PCDHB16: variants seen among roughly 807,000 people sequenced by gnomAD.
PCDHB16 encodes protocadherin beta-16.
For synonymous variants in PCDHB16, 444 were observed against 436.5 expected, an observed-to-expected ratio of 1.02 and a Z score of -0.21; for missense variants, 1,026 against 989.9, an observed-to-expected ratio of 1.04 and a Z score of -0.49.
At position 141,185,037 on chromosome 5, in the gene PCDHB16, A is replaced by G. The variant is rs1005908782; in HGVS notation, c.*147A>G. 27 of 1,447,998 alleles carry G rather than the reference A, an allele frequency of 1.9e-5. No homozygotes were observed. In the African/African-American group the frequency reaches 3.3e-4, roughly 18 times the overall value. 89.7% of individuals were successfully genotyped at this position (1,447,998 alleles called of 1,614,324 possible). On this transcript the variant is annotated 3_prime_UTR_variant, in exon 1 of 1. Coordinates refer to ENST00000609684, the MANE Select transcript of PCDHB16 (RefSeq NM_020957.4). ...TCATGCTCACCACCACCAATAAGGT[A>G]TTTTTCTCTGATTGTTAGTTCAAAT...
Position 141,185,608 on chromosome 5 carries a change from G to A in PCDHB16, c.*718G>A. Reference sequence around the variant, plus strand: ...TGCAGCGATGGGATTTTGCCAAGTTGCCCAGGCTGATCTTGAACTCCTGGG... The same window carrying A: ...TGCAGCGATGGGATTTTGCCAAGTTACCCAGGCTGATCTTGAACTCCTGGG... On this transcript the variant is annotated 3_prime_UTR_variant, in exon 1 of 1. Transcript: ENST00000609684. 1.9e-6 allele frequency: 1 copy of A among 535,196 alleles called. No homozygotes were observed. The highest frequency in any genetic ancestry group is 2.4e-6 in the Non-Finnish European group (1 of 414,670). 33.2% of individuals were successfully genotyped at this position (535,196 alleles called of 1,614,324 possible). A position where few individuals can be genotyped will look rare whatever the true frequency, so the allele number is the denominator to read the frequency against.
Position 141,182,684 on chromosome 5 carries a change from G to T in PCDHB16, c.125G>T (p.Gly42Val). 1 of 1,610,210 alleles carries T rather than the reference G, an allele frequency of 6.2e-7. No individual in the cohort carries two copies. Among genetic ancestry groups the T allele is most frequent in the Non-Finnish European group, 8.5e-7 (1 of 1,177,722 alleles). Residue 42 changes from glycine (G) to valine (V), a missense_variant, in exon 1 of 1, where the codon GGC becomes GTC. Physicochemically the swap from Gly to Val is moderately radical, Grantham distance 109. Transcript: ENST00000609684. ...SYSVVEETER[G>V]SFVANLGKDL... Reference sequence around the variant, plus strand: ...TCCGTAGTGGAAGAAACGGAGAGAGGCTCTTTTGTGGCAAATCTAGGAAAA... The same window carrying T: ...TCCGTAGTGGAAGAAACGGAGAGAGTCTCTTTTGTGGCAAATCTAGGAAAA...
In PCDHB16 at chr5:141,184,534, C is replaced by A; in HGVS notation, c.1975C>A (p.His659Asn). Residue 659 changes from histidine (H) to asparagine (N), a missense_variant, in exon 1 of 1, where the codon CAC becomes AAC. Coordinates refer to ENST00000609684, the MANE Select transcript of PCDHB16 (RefSeq NM_020957.4). ...EPPRSATATL[H>N]VLLVDGFSQP... The stretch of plus-strand genomic sequence containing the variant: ...TCCGCGCTCGGCCACCGCCACGCTG[C>A]ACGTGCTCCTGGTGGACGGCTTCTC... 2 of 1,610,580 alleles carry A rather than the reference C, an allele frequency of 1.2e-6. No individual in the cohort carries two copies. The highest frequency in any genetic ancestry group is 1.7e-6 in the Non-Finnish European group (2 of 1,179,732).
Position 141,183,821 on chromosome 5 carries a change from T to C in PCDHB16, c.1262T>C (p.Leu421Pro). 1 of 1,614,180 alleles carries C rather than the reference T, an allele frequency of 6.2e-7. No individual in the cohort carries two copies. Among genetic ancestry groups the C allele is most frequent in the Non-Finnish European group, 8.5e-7 (1 of 1,180,024 alleles). ...GCAAGAGCTGAATATAATATCACCC[T>C]CACCGTCACAGATATGGGGACTCCA... ...REARAEYNIT[L>P]TVTDMGTPRL... The change falls in exon 1 of 1, where the codon CTC becomes CCC. Residue 421 changes from leucine (L) to proline (P), a missense_variant. Physicochemically the swap from Leu to Pro is moderately conservative, Grantham distance 98. Transcript: ENST00000609684.
rs782321608 is a variant in PCDHB16, at chr5:141,182,702, T to C, written c.143T>C (p.Leu48Pro). Reference sequence around the variant, plus strand: ...GAGAGAGGCTCTTTTGTGGCAAATCTAGGAAAAGACCTGGGGTTGGGGTTG... The same window carrying C: ...GAGAGAGGCTCTTTTGTGGCAAATCCAGGAAAAGACCTGGGGTTGGGGTTG... ...ETERGSFVAN[L>P]GKDLGLGLTE... Residue 48 changes from leucine (L) to proline (P), a missense_variant, in exon 1 of 1, where the codon CTA (leucine) becomes CCA (proline). By Grantham distance (98) the Leu-to-Pro change is moderately conservative. Coordinates refer to ENST00000609684, the MANE Select transcript of PCDHB16 (RefSeq NM_020957.4). 6.2e-7 allele frequency: 1 copy of C among 1,610,556 alleles called. No homozygotes were observed. The highest frequency in any genetic ancestry group is 1.1e-5 in the South Asian group (1 of 90,802).
Position 141,183,639 on chromosome 5 carries a change from G to A in PCDHB16, c.1080G>A (p.Ser360=), listed in dbSNP as rs1320937133. Residue 360 remains serine, a synonymous_variant, in exon 1 of 1, where the codon TCG becomes TCA. Coordinates refer to ENST00000609684, the MANE Select transcript of PCDHB16 (RefSeq NM_020957.4). ...SALTSPIPEN[S]PEIVVAVFSV... is the part of the protein sequence containing the mutation. ...TCACCAGCCCCATCCCAGAGAACTC[G>A]CCTGAGATAGTAGTTGCTGTTTTCA... The A allele has an allele frequency of 1.2e-6, 2 of 1,614,000 alleles. No individual in the cohort carries two copies. The highest frequency in any genetic ancestry group is 1.7e-5 in the Admixed American group (1 of 60,000).
rs1554282193 is a variant in PCDHB16 at position 141,183,664 on chromosome 5, A to T, written c.1105A>T (p.Ser369Cys). ...NSPEIVVAVF[S>C]VSDPDSGNNG... The stretch of plus-strand genomic sequence containing the variant: ...GCCTGAGATAGTAGTTGCTGTTTTC[A>T]GCGTTTCAGATCCTGACTCCGGAAA... The change falls in exon 1 of 1, where the codon AGC becomes TGC. Residue 369 changes from serine (S) to cysteine (C), a missense_variant. Transcript: ENST00000609684. 1.9e-6 allele frequency: 3 copies of T among 1,614,192 alleles called. No individual in the cohort carries two copies. The highest frequency in any genetic ancestry group is 3.3e-5 in the Admixed American group (2 of 60,032).
chr5:141,182,428 C>G lies in PCDHB16; in HGVS notation c.-132C>G. The G allele has an allele frequency of 1.4e-6, 1 of 709,678 alleles. No individual in the cohort carries two copies. Among genetic ancestry groups the G allele is most frequent in the Non-Finnish European group, 2.2e-6 (1 of 457,324 alleles). 44.0% of individuals were successfully genotyped at this position (709,678 alleles called of 1,614,324 possible). Reference sequence around the variant, plus strand: ...AAGCAGAAGAATAGCTGAGCCAGAGCGAACGTGAGTGTGAAACCTCTTTAA... The same window carrying G: ...AAGCAGAAGAATAGCTGAGCCAGAGGGAACGTGAGTGTGAAACCTCTTTAA... On this transcript the variant is annotated 5_prime_UTR_variant, in exon 1 of 1. Transcript: ENST00000609684.
At position 141,184,101 on chromosome 5, in the gene PCDHB16, C is replaced by T. The variant is rs535046436; in HGVS notation, c.1542C>T (p.Phe514=). 1.8e-5 allele frequency: 28 copies of T among 1,575,188 alleles called. No homozygotes were observed. The highest frequency in any genetic ancestry group is 2.3e-4 in the Middle Eastern group (1 of 4,400). Residue 514 remains phenylalanine (F), a synonymous_variant, in exon 1 of 1, where the codon TTC becomes TTT. Transcript: ENST00000609684. ...VSINADNGHL[F]ALRSLDYEAL... ...TCAACGCGGACAACGGCCACCTGTT[C>T]GCCCTCAGGTCGCTGGACTACGAGG... is the stretch of plus-strand genomic sequence containing the variant.
chr5:141,185,160 T>A lies in PCDHB16; in HGVS notation c.*270T>A. 8.4e-7 allele frequency: 1 copy of A among 1,186,214 alleles called. No homozygotes were observed. 73.5% of individuals were successfully genotyped at this position (1,186,214 alleles called of 1,614,324 possible). ...ACAAAATATACTTTATCTTCAAAGT[T>A]GATGTCATTTAAAATTTTTCCGTCT... On this transcript the variant is annotated 3_prime_UTR_variant, in exon 1 of 1. Transcript: ENST00000609684.
In PCDHB16 at chr5:141,183,306, G is replaced by A. The variant is rs1753614320; in HGVS notation, c.747G>A (p.Val249=). The A allele has an allele frequency of 6.2e-7, 1 of 1,614,038 alleles. No homozygotes were observed. Among genetic ancestry groups the A allele is most frequent in the African/African-American group, 1.3e-5 (1 of 74,930 alleles). Residue 249 remains valine, a synonymous_variant, in exon 1 of 1, where the codon GTG becomes GTA. Transcript: ENST00000609684. ...APEFEQPIYK[V]QIPENSPLGS... ...AGTTTGAGCAGCCCATCTACAAAGT[G>A]CAGATTCCAGAGAACAGTCCTCTTG... is the stretch of plus-strand genomic sequence containing the variant.
At position 141,183,936 on chromosome 5, in the gene PCDHB16, C is replaced by T. The variant is rs782620895; in HGVS notation, c.1377C>T (p.Phe459=). 1 of 1,613,944 alleles carries T rather than the reference C, an allele frequency of 6.2e-7. No homozygotes were observed. The highest frequency in any genetic ancestry group is 1.1e-5 in the South Asian group (1 of 91,068). Residue 459 remains phenylalanine, a synonymous_variant, in exon 1 of 1, where the codon TTC becomes TTT. Coordinates refer to ENST00000609684, the MANE Select transcript of PCDHB16 (RefSeq NM_020957.4). ...PTFTQTSYTL[F]VRENNSPALH... is the part of the protein sequence containing the mutation. ...TCACCCAAACCTCCTACACCCTGTTCGTCCGCGAGAACAACAGCCCCGCCC... is the reference window on the plus strand; with the variant it reads ...TCACCCAAACCTCCTACACCCTGTTTGTCCGCGAGAACAACAGCCCCGCCC...
In PCDHB16 at chr5:141,183,858, G is replaced by C; in HGVS notation, c.1299G>C (p.Thr433=). 1.2e-6 allele frequency: 2 copies of C among 1,614,160 alleles called. No homozygotes were observed. Among genetic ancestry groups the C allele is most frequent in the African/African-American group, 1.3e-5 (1 of 75,038 alleles). Reference sequence around the variant, plus strand: ...ATATGGGGACTCCAAGGCTGAAAACGGAGCACAACATAACAGTGCAGATAT... The same window carrying C: ...ATATGGGGACTCCAAGGCTGAAAACCGAGCACAACATAACAGTGCAGATAT... ...VTDMGTPRLK[T]EHNITVQISD... Residue 433 remains threonine (T), a synonymous_variant, in exon 1 of 1, where the codon ACG becomes ACC. Coordinates refer to ENST00000609684, the MANE Select transcript of PCDHB16 (RefSeq NM_020957.4).
rs781786818 is a variant in PCDHB16 at position 141,184,514 on chromosome 5, G to T, written c.1955G>T (p.Arg652Leu). The T allele has an allele frequency of 1.4e-5, 23 of 1,609,118 alleles. No homozygotes were observed. Among genetic ancestry groups the T allele is most frequent in the Non-Finnish European group, 1.8e-5 (21 of 1,179,614 alleles). The change falls in exon 1 of 1, where the codon CGC (arginine) becomes CTC (leucine). Residue 652 changes from arginine (R) to leucine (L), a missense_variant. Physicochemically the swap from Arg to Leu is moderately radical, Grantham distance 102. Coordinates refer to ENST00000609684, the MANE Select transcript of PCDHB16 (RefSeq NM_020957.4). ...VLVKDNGEPP[R>L]SATATLHVLL... is the part of the protein sequence containing the mutation. The stretch of plus-strand genomic sequence containing the variant: ...GTCAAGGACAATGGCGAGCCTCCGC[G>T]CTCGGCCACCGCCACGCTGCACGTG...
In PCDHB16 at chr5:141,185,875, T is replaced by C. The variant is rs539388897; in HGVS notation, c.*985T>C. 1 of 990,850 alleles carries C rather than the reference T, an allele frequency of 1.0e-6. No individual in the cohort carries two copies. The highest frequency in any genetic ancestry group is 1.8e-5 in the African/African-American group (1 of 57,134). The allele number at this position is 990,850 out of a possible 1,614,324, so 61.4% of individuals were successfully genotyped here. ...CTAAAAATAAAAAGAGAAGCCATTG[T>C]AAGACATTCAGTATGTGTAAATGTG... On this transcript the variant is annotated 3_prime_UTR_variant, in exon 1 of 1. Transcript: ENST00000609684.
chr5:141,183,598 G>T lies in PCDHB16; in HGVS notation c.1039G>T (p.Val347Leu), dbSNP rs28664170. ...GGACGTGAATGACAATCCCCCACAG[G>T]TGACCATGTCTGCACTCACCAGCCC... ...VVDVNDNPPQVTMSALTSPIP... is the reference protein window; with the variant it reads ...VVDVNDNPPQLTMSALTSPIP... Residue 347 changes from valine (V) to leucine (L), a missense_variant, in exon 1 of 1, where the codon GTG (valine) becomes TTG (leucine). Transcript: ENST00000609684. 0.17 allele frequency: 271,351 copies of T among 1,613,922 alleles called. 24,320 individuals carry two copies. Among genetic ancestry groups the T allele is most frequent in the African/African-American group, 0.24 (18,204 of 74,930 alleles).
In PCDHB16 at chr5:141,185,022, C is replaced by T; in HGVS notation, c.*132C>T. 1.4e-6 allele frequency: 2 copies of T among 1,459,784 alleles called. No homozygotes were observed. The highest frequency in any genetic ancestry group is 1.8e-6 in the Non-Finnish European group (2 of 1,105,276). The allele number at this position is 1,459,784 out of a possible 1,614,324, so 90.4% of individuals were successfully genotyped here. ...TGTTGATTAAATTGTTCATGCTCAC[C>T]ACCACCAATAAGGTATTTTTCTCTG... On this transcript the variant is annotated 3_prime_UTR_variant, in exon 1 of 1. Transcript: ENST00000609684.
chr5:141,182,420 A>G lies in PCDHB16; in HGVS notation c.-140A>G. The G allele has an allele frequency of 3.0e-6, 2 of 661,200 alleles. No homozygotes were observed. The highest frequency in any genetic ancestry group is 3.6e-5 in the African/African-American group (2 of 54,954). 41.0% of individuals were successfully genotyped at this position (661,200 alleles called of 1,614,324 possible). Reference sequence around the variant, plus strand: ...AAGCCTGGAAGCAGAAGAATAGCTGAGCCAGAGCGAACGTGAGTGTGAAAC... The same window carrying G: ...AAGCCTGGAAGCAGAAGAATAGCTGGGCCAGAGCGAACGTGAGTGTGAAAC... On this transcript the variant is annotated 5_prime_UTR_variant, in exon 1 of 1. Transcript: ENST00000609684.
Position 141,182,682 on chromosome 5 carries a change from A to C in PCDHB16, c.123A>C (p.Arg41Ser). The change falls in exon 1 of 1, where the codon AGA becomes AGC. Residue 41 changes from arginine to serine, a missense_variant. Transcript: ENST00000609684. ...GSYSVVEETE[R>S]GSFVANLGKD... The stretch of plus-strand genomic sequence containing the variant: ...ATTCCGTAGTGGAAGAAACGGAGAG[A>C]GGCTCTTTTGTGGCAAATCTAGGAA... 2 of 1,610,046 alleles carry C rather than the reference A, an allele frequency of 1.2e-6. No individual in the cohort carries two copies. The highest frequency in any genetic ancestry group is 1.7e-6 in the Non-Finnish European group (2 of 1,177,722).
Sources: gnomAD v4.1 joint callset for allele counts on GRCh38, gnomAD v4.1.1 for gene constraint, MANE v1.5 for transcripts, NCBI Gene and HGNC (gene_info 2026-07-23, HGNC 2026-07-21) for gene names.